The following ZNF728 variants were observed in gnomAD, a reference collection of about 807,000 sequenced individuals.
ZNF728 encodes the protein zinc finger protein 728.
ZNF728 carries 12 observed loss-of-function variants against 12.5 expected under a neutral mutation model. That is an observed-to-expected ratio of 0.96 (90% confidence interval 0.61 to 1.55). The LOEUF is 1.55. Ranked by LOEUF, ZNF728 falls within the 40% of genes most tolerant of loss-of-function variation. The pLI is 0.00. For missense variants in ZNF728, 692 were observed against 719.2 expected (o/e 0.96, Z 0.43); for synonymous variants, 205 against 240.7 (o/e 0.85, Z 1.37).
At chr19:22,995,829 C>CAA (rs1388181869) in intron 1 of ZNF728, 1 of 152,188 alleles carries the variant, frequency 6.6e-6, no homozygotes, top group African/African-American at 2.4e-5. Flanking sequence ...ATATATCTGA[C>CAA]AACTTCCAGT....
Position 22,988,432 on chromosome 19 carries a change from T to G in ZNF728, c.23A>C (p.Asp8Ala). 1 of 1,614,030 alleles carries G rather than the reference T, an allele frequency of 6.2e-7. No homozygotes were observed. The highest frequency in any genetic ancestry group is 8.5e-7 in the Non-Finnish European group (1 of 1,179,968). The change falls in exon 2 of 4, where the codon GAT becomes GCT. Residue 8 changes from aspartate to alanine, a missense_variant. By Grantham distance (126) the Asp-to-Ala change is moderately radical. Coordinates refer to ENST00000594710, the MANE Select transcript of ZNF728 (RefSeq NM_001267716.2). MGSLTFRDVAIQFSLEEW... is the reference protein window; with the variant it reads MGSLTFRAVAIQFSLEEW... ...CTCCAGAGAGAATTGTATGGCCACA[T>G]CCCGAAATGTCAACGATCCCTGGAA...
intron 1 of ZNF728, among the ~76,000 whole-genome samples, chr19:22,997,450 G>GT (rs1240415360): frequency 1.3e-5 from 2 of 152,236 alleles, no homozygotes; most frequent in East Asian, 3.9e-4. Flanking sequence ...ACCAAGAAGT[G>GT]TTTTGAAACA....
At chr19:22,993,111 T>TA (rs1248866409) in intron 1 of ZNF728, among the ~76,000 whole-genome samples, 1 of 152,166 alleles carries the variant, frequency 6.6e-6, no homozygotes, top group Non-Finnish European at 1.5e-5. Context: ...TGTTTACACT[T>TA]AGAGATTCTG....
Position 22,975,397 on chromosome 19 carries a change from G to A in ZNF728, c.*71C>T. On this transcript the variant is annotated 3_prime_UTR_variant, in exon 4 of 4. Coordinates refer to ENST00000594710, the MANE Select transcript of ZNF728 (RefSeq NM_001267716.2). ...TTGCCACATTCTTCACATTTGTAGG[G>A]TTTCCCTCCTGTATAAATACCCTTA... 7.1e-7 allele frequency: 1 copy of A among 1,410,446 alleles called. No individual in the cohort carries two copies. Among genetic ancestry groups the A allele is most frequent in the Non-Finnish European group, 9.6e-7 (1 of 1,043,152 alleles). 87.4% of individuals were successfully genotyped at this position (1,410,446 alleles called of 1,614,324 possible).
chr19:22,997,199 T>C (rs547538924), intron 1 of ZNF728, among the ~76,000 whole-genome samples: 1 of 152,282 alleles, frequency 6.6e-6, no homozygotes, highest in African/African-American at 2.4e-5. Context: ...TACCATAATA[T>C]ACATTCTTCT....
Position 22,986,365 on chromosome 19 carries a change from A to T in ZNF728, c.226+943T>A, listed in dbSNP as rs534321218. Among the ~76,000 whole-genome samples, 83 of 151,968 alleles carry T rather than the reference A, an allele frequency of 5.5e-4. 1 individual carries two copies. Among genetic ancestry groups the T allele is most frequent in the Admixed American group, 5.0e-3 (76 of 15,230 alleles). ...TTGTAGATCATGCAGTGTTCTCTAT[A>T]AAAAAAACCATAAACAGTACATTAA... On this transcript the variant is annotated intron_variant, in intron 3 of 3. Transcript: ENST00000594710.
At chr19:22,979,304 A>G (rs2145334148) in intron 3 of ZNF728, among the ~76,000 whole-genome samples, 1 of 152,348 alleles carries the variant, frequency 6.6e-6, no homozygotes, top group East Asian at 1.9e-4. Flanking sequence ...CAAGAAGACA[A>G]GATTAGAGAA....
intron 3 of ZNF728, among the ~76,000 whole-genome samples, chr19:22,985,457 T>C (rs1968905705): frequency 6.6e-6 from 1 of 152,154 alleles, no homozygotes; most frequent in Non-Finnish European, 1.5e-5. Flanking sequence ...TGAGACCCCA[T>C]CTCAAAAATA....
chr19:22,998,047 CACTAA>C (rs1969067571), intron 1 of ZNF728, among the ~76,000 whole-genome samples: 1 of 152,140 alleles, frequency 6.6e-6, no homozygotes, highest in Non-Finnish European at 1.5e-5. Context: ...GTTGATTCCT[CACTAA>C]ACTAAAAACA....
Position 22,976,321 on chromosome 19 carries a change from G to A in ZNF728, c.1016C>T (p.Pro339Leu). 6.2e-7 allele frequency: 1 copy of A among 1,612,292 alleles called. No individual in the cohort carries two copies. Among genetic ancestry groups the A allele is most frequent in the Non-Finnish European group, 8.5e-7 (1 of 1,179,700 alleles). Residue 339 changes from proline (P) to leucine (L), a missense_variant, in exon 4 of 4, where the codon CCC (proline) becomes CTC (leucine). Physicochemically the swap from Pro to Leu is moderately conservative, Grantham distance 98. Coordinates refer to ENST00000594710, the MANE Select transcript of ZNF728 (RefSeq NM_001267716.2). ...TTTGCCACATTCTTCACATTTGCAG[G>A]GCTTCTCTCCAGTATGAATTCTCTT... is the stretch of plus-strand genomic sequence containing the variant. ...EHKRIHTGEK[P>L]CKCEECGKAF...
chr19:23,003,115 G>C lies in ZNF728; in HGVS notation c.-85C>G, dbSNP rs1969132206. ...CAGGGCCATAGAAGCTGGGCCTTTAGGAGCGGACGACACACAGCAGTAAGG... is the reference window on the plus strand; with the variant it reads ...CAGGGCCATAGAAGCTGGGCCTTTACGAGCGGACGACACACAGCAGTAAGG... On this transcript the variant is annotated 5_prime_UTR_variant, in exon 1 of 4. Coordinates refer to ENST00000594710, the MANE Select transcript of ZNF728 (RefSeq NM_001267716.2). 6.8e-7 allele frequency: 1 copy of C among 1,480,152 alleles called. No homozygotes were observed. The highest frequency in any genetic ancestry group is 2.1e-5 in the Admixed American group (1 of 47,818). 91.7% of individuals were successfully genotyped at this position (1,480,152 alleles called of 1,614,324 possible). A position where few individuals can be genotyped will look rare whatever the true frequency, so the allele number is the denominator to read the frequency against.
rs777963488 is a variant in ZNF728, at chr19:22,976,170, A to C, written c.1167T>G (p.Ile389Met). The C allele has an allele frequency of 6.2e-7, 1 of 1,613,200 alleles. No individual in the cohort carries two copies. Among genetic ancestry groups the C allele is most frequent in the South Asian group, 1.1e-5 (1 of 91,044 alleles). ...ATTTGTAAGGTTTGTCTCCAGCATG[A>C]ATTCTCTTGTGTTCAGTAAGGCTTG... ...WPSSLTEHKR[I>M]HAGDKPYKCE... is the part of the protein sequence containing the mutation. Residue 389 changes from isoleucine to methionine, a missense_variant, in exon 4 of 4, where the codon ATT (isoleucine) becomes ATG (methionine). By Grantham distance (10) the Ile-to-Met change is conservative. Around this residue, in one of 3 missense-constraint regions of ZNF728, gnomAD observed 440 missense variants for 459.6 expected, o/e 0.96. Transcript: ENST00000594710.
chr19:23,003,004 G>A, intron 1 of ZNF728, 24 bp downstream of exon 1: 1 of 1,587,108 alleles, frequency 6.3e-7, no homozygotes. Context: ...CACTCTCTCG[G>A]GATGTCGGAC....
At chr19:22,989,620 A>G (rs1049661900) in intron 1 of ZNF728, among the ~76,000 whole-genome samples, 3 of 152,232 alleles carry the variant, frequency 2.0e-5, no homozygotes, top group Non-Finnish European at 4.4e-5. Flanking sequence ...AGGATACAGC[A>G]TTACTACTGA....
intron 1 of ZNF728, among the ~76,000 whole-genome samples, chr19:22,989,010 C>T (rs1484538127): frequency 7.1e-6 from 1 of 141,634 alleles, no homozygotes; most frequent in Non-Finnish European, 1.5e-5. Context: ...GAGATCATGC[C>T]ATTGCCCTCC....
At chr19:22,990,722 C>T (rs142111213) in intron 1 of ZNF728, among the ~76,000 whole-genome samples, 1 of 152,114 alleles carries the variant, frequency 6.6e-6, no homozygotes, top group South Asian at 2.1e-4. Context: ...TCACATGAGC[C>T]ACTTAATTAA....
intron 1 of ZNF728, among the ~76,000 whole-genome samples, chr19:22,996,751 GAAGA>G (rs1380583856): frequency 7.5e-6 from 1 of 133,134 alleles, no homozygotes; most frequent in Non-Finnish European, 1.5e-5. Context: ...TCAAAAAGCA[GAAGA>G]AATATATACA....
intron 3 of ZNF728, among the ~76,000 whole-genome samples, chr19:22,984,862 G>A (rs1055675626): frequency 3.9e-5 from 6 of 151,928 alleles, no homozygotes; most frequent in Admixed American, 3.9e-4. Context: ...AAGCAATATT[G>A]CAGGCATTAA....
chr19:22,980,821 A>C (rs951197100), intron 3 of ZNF728, among the ~76,000 whole-genome samples: 6 of 152,214 alleles, frequency 3.9e-5, no homozygotes, highest in African/African-American at 1.4e-4. Flanking sequence ...GTTCTTTGAA[A>C]CCAATGAGAA....
Sources: gnomAD v4.1 joint callset for allele counts (sites outside exome capture counted in the v4.1 genomes callset) on GRCh38, gnomAD v4.1.1 for gene constraint, gnomAD v4.1.1 regional missense constraint, MANE v1.5 for transcripts, NCBI Gene and HGNC (gene_info 2026-07-23, HGNC 2026-07-21) for gene names.